The following ZFYVE1 variants were observed in gnomAD, a reference collection of about 807,000 sequenced individuals.
ZFYVE1 encodes the protein zinc finger FYVE-type containing 1.
In ZFYVE1, 30 loss-of-function variants were observed where a neutral mutation model predicts 74.4. That is an observed-to-expected ratio of 0.40 (90% CI 0.30 to 0.55). ZFYVE1 has a LOEUF of 0.55. ZFYVE1 is among the 20% of genes least tolerant of loss of function. The pLI is 0.42. For synonymous variants in ZFYVE1, 335 were observed against 385.1 expected, an observed-to-expected ratio of 0.87 and a Z score of 1.52; for missense variants, 703 against 1,011.6, an observed-to-expected ratio of 0.69 and a Z score of 4.14.
chr14:72,983,374 A>G (rs1333133233), intron 4 of ZFYVE1, among the ~76,000 whole-genome samples: 10 of 102,738 alleles, frequency 9.7e-5, no homozygotes, highest in African/African-American at 3.4e-4. Flanking sequence ...ACAGGCCTCG[A>G]TGTGTGATGT....
chr14:72,971,580 G>A (rs927270708), intron 11 of ZFYVE1, among the ~76,000 whole-genome samples: 2 of 152,050 alleles, frequency 1.3e-5, no homozygotes, highest in Admixed American at 6.6e-5. Context: ...TGCCCACCTC[G>A]GCTTCCCAAA....
intron 2 of ZFYVE1, among the ~76,000 whole-genome samples, chr14:73,001,580 C>T (rs879849660): frequency 5.3e-5 from 8 of 152,050 alleles, no homozygotes; most frequent in Admixed American, 4.6e-4. Context: ...ATAATCCTAC[C>T]CTCCAAATGT....
intron 4 of ZFYVE1, among the ~76,000 whole-genome samples, chr14:72,992,671 T>C (rs1206444277): frequency 7.1e-6 from 1 of 140,398 alleles, no homozygotes; most frequent in East Asian, 2.1e-4. Context: ...CTTTTGCCTA[T>C]CAAACCTCTG....
intron 2 of ZFYVE1, among the ~76,000 whole-genome samples, chr14:72,998,776 A>C (rs143063570): frequency 1.3e-3 from 203 of 151,710 alleles, no homozygotes; most frequent in African/African-American, 4.4e-3. Context: ...CCTTGAGCCC[A>C]GAAGTTTGAG....
chr14:73,023,275 A>AATATATGTT (rs1567366705), intron 2 of ZFYVE1, among the ~76,000 whole-genome samples: 2 of 111,334 alleles, frequency 1.8e-5, no homozygotes, highest in Non-Finnish European at 3.6e-5. Flanking sequence ...TATAATATAT[A>AATATATGTT]TTATATATGT....
chr14:73,026,420 C>T (rs116299454), intron 1 of ZFYVE1, among the ~76,000 whole-genome samples: 113 of 152,286 alleles, frequency 7.4e-4, no homozygotes, highest in Middle Eastern at 3.4e-3. Flanking sequence ...AGTAATCAAT[C>T]TATCAACCTT....
intron 2 of ZFYVE1, among the ~76,000 whole-genome samples, chr14:73,018,430 C>CAAAAAAA (rs397853346): frequency 5.4e-5 from 3 of 55,978 alleles, no homozygotes; most frequent in Admixed American, 2.0e-4. Context: ...GACTCCATCT[C>CAAAAAAA]AAAAAAAAAA....
At position 73,024,349 on chromosome 14, in the gene ZFYVE1, G is replaced by A. The variant is rs760973447; in HGVS notation, c.160C>T (p.Arg54Cys). 3.7e-6 allele frequency: 6 copies of A among 1,614,044 alleles called. No homozygotes were observed. Among genetic ancestry groups the A allele is most frequent in the East Asian group, 2.2e-5 (1 of 44,880 alleles). Residue 54 changes from arginine to cysteine, a missense_variant, in exon 2 of 12, where the codon CGC (arginine) becomes TGC (cysteine). Transcript: ENST00000556143. ...CTTATCCGCTCATGGTTTCTCAGGCGCTCCTGCCGATGGAGCTCCTCCTCG... is the reference window on the plus strand; with the variant it reads ...CTTATCCGCTCATGGTTTCTCAGGCACTCCTGCCGATGGAGCTCCTCCTCG... The part of the protein sequence containing the change: ...RCEEELHRQE[R>C]LRNHERIRLK...
intron 4 of ZFYVE1, chr14:72,986,882 A>C (rs1049689458): frequency 4.1e-5 from 40 of 985,166 alleles, no homozygotes; most frequent in Non-Finnish European, 4.5e-5. Context: ...CAGGTTCAAA[A>C]ATTCCAAACC....
At chr14:73,021,132 G>C (rs573293694) in intron 2 of ZFYVE1, among the ~76,000 whole-genome samples, 1 of 152,196 alleles carries the variant, frequency 6.6e-6, no homozygotes, top group East Asian at 1.9e-4. Context: ...ATAACTTGAG[G>C]TCAGGAGTTC....
intron 2 of ZFYVE1, among the ~76,000 whole-genome samples, chr14:73,021,881 AC>A (rs1241618904): frequency 6.6e-6 from 1 of 152,152 alleles, no homozygotes; most frequent in Non-Finnish European, 1.5e-5. Flanking sequence ...ACTAAGGAAC[AC>A]ATATCAATGC....
At chr14:73,015,378 A>G (rs2063510827) in intron 2 of ZFYVE1, among the ~76,000 whole-genome samples, 1 of 11,064 alleles carries the variant, frequency 9.0e-5, no homozygotes, top group South Asian at 7.2e-3. Context: ...GAGGGGAAGG[A>G]AGGGGGGAAG....
intron 2 of ZFYVE1, among the ~76,000 whole-genome samples, chr14:73,001,969 A>C (rs1893882664): frequency 6.6e-6 from 1 of 152,166 alleles, no homozygotes; most frequent in African/African-American, 2.4e-5. Context: ...AAAAAGAAAA[A>C]GAAAGAATAC....
intron 4 of ZFYVE1, among the ~76,000 whole-genome samples, chr14:72,989,505 G>GT (rs1197972880): frequency 6.6e-6 from 1 of 152,134 alleles, no homozygotes; most frequent in Non-Finnish European, 1.5e-5. Flanking sequence ...ACATTCTGCA[G>GT]TACTTGAATT....
chr14:72,987,149 C>T (rs1893502749), intron 4 of ZFYVE1, among the ~76,000 whole-genome samples: 1 of 152,226 alleles, frequency 6.6e-6, no homozygotes, highest in African/African-American at 2.4e-5. Flanking sequence ...AAGGGACACA[C>T]TTCTGTCATC....
chr14:73,013,910 T>C (rs1425646275), intron 2 of ZFYVE1, among the ~76,000 whole-genome samples: 1 of 152,124 alleles, frequency 6.6e-6, no homozygotes, highest in Non-Finnish European at 1.5e-5. Context: ...TGACCAGCCA[T>C]CAGAAGTGCA....
chr14:73,026,949 A>G lies in ZFYVE1; in HGVS notation c.-458T>C, dbSNP rs1212984694. On this transcript the variant is annotated 5_prime_UTR_variant, in exon 1 of 12. Transcript: ENST00000556143. ...ACCACTGAGAAGCTCGGCCGCAGCA[A>G]GGCGGCGTCGGGGGGCCGCAGGGCG... 2 of 398,580 alleles carry G rather than the reference A, an allele frequency of 5.0e-6. No homozygotes were observed. Among genetic ancestry groups the G allele is most frequent in the Non-Finnish European group, 8.8e-6 (2 of 226,250 alleles). 24.7% of individuals were successfully genotyped at this position (398,580 alleles called of 1,614,324 possible). A position where few individuals can be genotyped will look rare whatever the true frequency, so the allele number is the denominator to read the frequency against.
At chr14:72,998,460 A>G (rs906866066) in intron 2 of ZFYVE1, 145 bp from the exon 3 acceptor site, 5 of 703,120 alleles carry the variant, frequency 7.1e-6, no homozygotes, top group Non-Finnish European at 1.0e-5. Flanking sequence ...CCCCACCTCC[A>G]CCCTTAGCAA....
chr14:73,005,961 G>A (rs376416632), intron 2 of ZFYVE1, among the ~76,000 whole-genome samples: 6 of 150,666 alleles, frequency 4.0e-5, no homozygotes, highest in African/African-American at 1.2e-4. Context: ...TCACTCTGTC[G>A]CCCAGGCTGG....
Sources: allele counts gnomAD v4.1 joint callset (sites outside exome capture counted in the v4.1 genomes callset), GRCh38; gene constraint gnomAD v4.1.1; transcripts MANE v1.5; gene names NCBI Gene and HGNC (gene_info 2026-07-23, HGNC 2026-07-21).